The following FAM163B variants were observed in gnomAD, a reference collection of about 807,000 sequenced individuals.
FAM163B encodes protein FAM163B.
In FAM163B, 4 loss-of-function variants were observed where a neutral mutation model predicts 7.6. The observed-to-expected ratio is 0.52, with a 90% confidence interval of 0.26 to 1.20. The LOEUF is 1.20. Among genes scored for constraint, FAM163B ranks in the 50% most tolerant of loss-of-function variants. The pLI, the probability that FAM163B is intolerant of heterozygous loss-of-function variation, is 0.14. For synonymous variants in FAM163B, 120 were observed against 111.6 expected (o/e 1.07, Z -0.47); for missense variants, 250 against 243.0 (o/e 1.03, Z -0.19).
chr9:133,579,960 G>A (rs1007294528), intron 2 of FAM163B, among the ~76,000 whole-genome samples, 171 bp downstream of exon 2: 64 of 152,288 alleles, frequency 4.2e-4, no homozygotes, highest in African/African-American at 1.5e-3. Context: ...GCATCTTACT[G>A]AGCCCCATGG....
intron 1 of FAM163B, among the ~76,000 whole-genome samples, chr9:133,588,572 A>G (rs1831476628): frequency 6.6e-6 from 1 of 151,318 alleles, no homozygotes; most frequent in African/African-American, 2.4e-5. Flanking sequence ...TTGAGGGATT[A>G]GCATGCTGAG....
chr9:133,603,702 G>A (rs905930736), intron 1 of FAM163B, among the ~76,000 whole-genome samples: 7 of 152,204 alleles, frequency 4.6e-5, no homozygotes, highest in Non-Finnish European at 1.0e-4. Context: ...TCAGGGCTTA[G>A]CTCAAGCACC....
chr9:133,588,455 G>C (rs1403842780), intron 1 of FAM163B, among the ~76,000 whole-genome samples: 1 of 151,322 alleles, frequency 6.6e-6, no homozygotes, highest in African/African-American at 2.4e-5. Flanking sequence ...TTTGGCTCCA[G>C]GTCCTGCTTG....
At chr9:133,590,433 C>T (rs1352107660) in intron 1 of FAM163B, among the ~76,000 whole-genome samples, 1 of 152,054 alleles carries the variant, frequency 6.6e-6, no homozygotes, top group African/African-American at 2.4e-5. Context: ...GCTGGGGGCT[C>T]CCCGGTGCTT....
At chr9:133,602,600 CA>C (rs1831743902) in intron 1 of FAM163B, among the ~76,000 whole-genome samples, 1 of 151,964 alleles carries the variant, frequency 6.6e-6, no homozygotes, top group Non-Finnish European at 1.5e-5. Context: ...TGTTGGAAAA[CA>C]GTTTTTTTTT....
At chr9:133,583,616 C>A (rs1466465475) in intron 1 of FAM163B, among the ~76,000 whole-genome samples, 1 of 152,186 alleles carries the variant, frequency 6.6e-6, no homozygotes. Context: ...GAGCTGGCCC[C>A]GCTCGCCGCA....
intron 1 of FAM163B, among the ~76,000 whole-genome samples, chr9:133,585,541 G>A (rs1831422469): frequency 6.6e-6 from 1 of 152,214 alleles, no homozygotes. Context: ...TGTCTGCCTC[G>A]TTCACCTGAG....
chr9:133,590,509 G>A (rs551880327), intron 1 of FAM163B, among the ~76,000 whole-genome samples: 6 of 152,298 alleles, frequency 3.9e-5, no homozygotes, highest in South Asian at 2.1e-4. Context: ...ATGAGGAAAC[G>A]GAGGCACAAA....
Position 133,580,117 on chromosome 9 carries a change from C to A in FAM163B, c.93+14G>T, listed in dbSNP as rs1359936156. 1.9e-6 allele frequency: 3 copies of A among 1,608,558 alleles called. No individual in the cohort carries two copies. Among genetic ancestry groups the A allele is most frequent in the Non-Finnish European group, 1.7e-6 (2 of 1,179,080 alleles). Reference sequence around the variant, plus strand: ...CCTCCCTGCCCTGTCCCCTTCCCCGCCGCCCGGGAATACCTGGAGCCGGCA... The same window carrying A: ...CCTCCCTGCCCTGTCCCCTTCCCCGACGCCCGGGAATACCTGGAGCCGGCA... On this transcript the variant is annotated intron_variant, in intron 2 of 2. Coordinates refer to ENST00000673969, the MANE Select transcript of FAM163B (RefSeq NM_001080515.3).
chr9:133,582,144 T>C (rs1383396103), intron 1 of FAM163B, among the ~76,000 whole-genome samples: 6 of 151,960 alleles, frequency 3.9e-5, no homozygotes, highest in Non-Finnish European at 8.8e-5. Context: ...TGTGGCTGTG[T>C]GTGTGCCGAG....
chr9:133,588,378 T>C (rs1048210706), intron 1 of FAM163B, among the ~76,000 whole-genome samples: 1 of 151,924 alleles, frequency 6.6e-6, no homozygotes, highest in Admixed American at 6.6e-5. Context: ...ACAGAAAGAT[T>C]TGGGGAAGAA....
chr9:133,602,094 C>T (rs895576437), intron 1 of FAM163B, among the ~76,000 whole-genome samples: 5 of 150,732 alleles, frequency 3.3e-5, no homozygotes, highest in African/African-American at 1.2e-4. Context: ...CCCAAACACA[C>T]ACACACAGAG....
At chr9:133,594,690 G>A (rs1285724231) in intron 1 of FAM163B, among the ~76,000 whole-genome samples, 2 of 152,154 alleles carry the variant, frequency 1.3e-5, no homozygotes, top group South Asian at 2.1e-4. Flanking sequence ...CCTGTGGGGG[G>A]ACATGAATGT....
intron 1 of FAM163B, among the ~76,000 whole-genome samples, chr9:133,584,296 G>A (rs937233547): frequency 2.6e-5 from 4 of 152,132 alleles, no homozygotes; most frequent in African/African-American, 4.8e-5. Context: ...CAGGTGATAC[G>A]AGTCTGCGGG....
intron 1 of FAM163B, among the ~76,000 whole-genome samples, chr9:133,586,769 G>T (rs2131228589): frequency 1.3e-5 from 2 of 152,342 alleles, no homozygotes; most frequent in South Asian, 4.1e-4. Context: ...CAGGGGTGGG[G>T]TGTGATGGGG....
chr9:133,597,162 C>A (rs1376496257), intron 1 of FAM163B, among the ~76,000 whole-genome samples: 1 of 152,200 alleles, frequency 6.6e-6, no homozygotes, highest in East Asian at 1.9e-4. Flanking sequence ...TTCATTGGAA[C>A]TAACCCCGAA....
At chr9:133,589,940 C>T (rs1390983873) in intron 1 of FAM163B, among the ~76,000 whole-genome samples, 9 of 152,080 alleles carry the variant, frequency 5.9e-5, no homozygotes, top group Admixed American at 5.9e-4. Context: ...CGGGCAAGTC[C>T]CAGCTCAGCT....
At position 133,606,096 on chromosome 9, in the gene FAM163B, T is replaced by A. The variant is rs192118486; in HGVS notation, c.-24+2981A>T. On this transcript the variant is annotated intron_variant, in intron 1 of 2. Transcript: ENST00000673969. The surrounding 1 kb of genome is among the most constrained non-coding windows in gnomAD (Gnocchi z 4.0). ...CCGGACCCCACCTGACTCTCCAGCC[T>A]CCTCCTTCACTGATGAGGCCCGAGG... is the stretch of plus-strand genomic sequence containing the variant. Among the ~76,000 whole-genome samples, 16 of 152,156 alleles carry A rather than the reference T, an allele frequency of 1.1e-4. No individual in the cohort carries two copies. Among genetic ancestry groups the A allele is most frequent in the African/African-American group, 3.6e-4 (15 of 41,504 alleles).
intron 1 of FAM163B, among the ~76,000 whole-genome samples, chr9:133,584,033 C>T (rs1831395513): frequency 8.4e-6 from 1 of 118,572 alleles, no homozygotes; most frequent in Non-Finnish European, 1.7e-5. Flanking sequence ...TGTGCCCCAC[C>T]CTCTGGGATG....
Sources: allele counts gnomAD v4.1 joint callset (sites outside exome capture counted in the v4.1 genomes callset), GRCh38; gene constraint gnomAD v4.1.1; non-coding constraint Gnocchi (gnomAD v3.1); transcripts MANE v1.5; gene names NCBI Gene and HGNC (gene_info 2026-07-23, HGNC 2026-07-21).